Variants in CTDSP1 observed in about 807,000 individuals in gnomAD.
CTDSP1 encodes CTD small phosphatase 1.
CTDSP1 carries 15 observed loss-of-function variants against 32.5 expected under a neutral mutation model. The observed-to-expected ratio is 0.46, with a 90% CI of 0.31 to 0.71. The LOEUF is 0.71. Ranked by LOEUF, CTDSP1 falls within the 30% of genes least tolerant of loss-of-function variation. The pLI, the probability that CTDSP1 is intolerant of heterozygous loss-of-function variation, is 0.05. For missense variants in CTDSP1, 294 were observed against 351.1 expected (o/e 0.84, Z 1.30); for synonymous variants, 185 against 145.4 (o/e 1.27, Z -1.96).
chr2:218,400,546 A>ACCCCCACCCCCCC (rs1697071232), intron 1 of CTDSP1: 4 of 314,710 alleles, frequency 1.3e-5, no homozygotes, highest in African/African-American at 7.6e-5. Context: ...CCCACCCCCC[A>ACCCCCACCCCCCC]CCCCCACCCC....
chr2:218,404,227 T>C, intron 6 of CTDSP1, 70 bp from the exon 7 acceptor site: 1 of 1,574,400 alleles, frequency 6.4e-7, no homozygotes, highest in Non-Finnish European at 8.7e-7. Context: ...AGTGGCTACA[T>C]AGGGCTGGCC....
intron 6 of CTDSP1, among the ~76,000 whole-genome samples, chr2:218,403,986 G>C (rs547138535): frequency 6.6e-6 from 1 of 152,310 alleles, no homozygotes; most frequent in South Asian, 2.1e-4. Context: ...CTTGAGCCCT[G>C]GAGGCAGAGG....
Position 218,403,364 on chromosome 2 carries a change from G to T in CTDSP1, c.604G>T (p.Val202Leu), listed in dbSNP as rs754837135. 13 of 1,613,248 alleles carry T rather than the reference G, an allele frequency of 8.1e-6. No individual in the cohort carries two copies. Among genetic ancestry groups the T allele is most frequent in the East Asian group, 2.2e-5 (1 of 44,876 alleles). ...LSRLGRDLRR[V>L]LILDNSPASY... ...CCGGTTGGGTCGAGACCTGCGGCGG[G>T]TGCTCATCCTGGACAATTCACCTGC... is the stretch of plus-strand genomic sequence containing the variant. Residue 202 changes from valine (V) to leucine (L), a missense_variant, in exon 6 of 7, where the codon GTG becomes TTG. By Grantham distance (32) the Val-to-Leu change is conservative. This residue lies in a region of CTDSP1 where 146 missense variants were observed against 237.7 expected (regional missense o/e 0.61). Coordinates refer to ENST00000273062, the MANE Select transcript of CTDSP1 (RefSeq NM_021198.3).
Position 218,404,727 on chromosome 2 carries a change from G to A in CTDSP1, c.*302G>A, listed in dbSNP as rs1574802585. 1 of 315,914 alleles carries A rather than the reference G, an allele frequency of 3.2e-6. No individual in the cohort carries two copies. Among genetic ancestry groups the A allele is most frequent in the Non-Finnish European group, 5.9e-6 (1 of 170,110 alleles). The allele number at this position is 315,914 out of a possible 1,614,324, so 19.6% of individuals were successfully genotyped here. A position where few individuals can be genotyped will look rare whatever the true frequency, so the allele number is the denominator to read the frequency against. ...TCTGTCCATGCTGCCATGTTTCTCT[G>A]CTGCCAAATTGGGCCCCTTGGCCCC... On this transcript the variant is annotated 3_prime_UTR_variant, in exon 7 of 7. Coordinates refer to ENST00000273062, the MANE Select transcript of CTDSP1 (RefSeq NM_021198.3).
chr2:218,398,428 T>C, upstream of CTDSP1: 1 of 1,535,080 alleles, frequency 6.5e-7, no homozygotes, highest in Non-Finnish European at 8.7e-7. Context: ...GGCCGCCCCG[T>C]GGGCTACCCA....
At chr2:218,401,048 A>C in intron 1 of CTDSP1, 1 of 416,650 alleles carries the variant, frequency 2.4e-6, no homozygotes, top group Non-Finnish European at 4.9e-6. Context: ...GGGGCAGGGC[A>C]AACAGATGGC....
At chr2:218,402,681 G>A (rs759268777) in intron 4 of CTDSP1, 4 of 764,426 alleles carry the variant, frequency 5.2e-6, no homozygotes, top group East Asian at 2.5e-5. Flanking sequence ...GATAGGTTGT[G>A]TGCTGTCCAG....
chr2:218,399,453 G>C (rs768936540), upstream of CTDSP1: 1 of 152,258 alleles, frequency 6.6e-6, no homozygotes, highest in Non-Finnish European at 1.5e-5. Flanking sequence ...AGACAGGAGA[G>C]AAGACCCATT....
At chr2:218,400,288 C>A (rs1279618195) in intron 1 of CTDSP1, 131 bp downstream of exon 1, 4 of 823,224 alleles carry the variant, frequency 4.9e-6, no homozygotes, top group Non-Finnish European at 7.8e-6. Flanking sequence ...GCTCCCAGCC[C>A]GAGAGGGAGC....
upstream of CTDSP1, chr2:218,399,706 G>A (rs1238864092): frequency 1.0e-6 from 1 of 989,800 alleles, no homozygotes; most frequent in African/African-American, 1.7e-5. Flanking sequence ...GAAGGGAGGC[G>A]ACGCCCCCTG....
At position 218,399,980 on chromosome 2, in the gene CTDSP1, T is replaced by TTC; in HGVS notation, c.-111_-110insTC. 3 of 946,500 alleles carry TTC rather than the reference T, an allele frequency of 3.2e-6. No homozygotes were observed. The highest frequency in any genetic ancestry group is 5.0e-4 in the Middle Eastern group (1 of 2,002). The allele number at this position is 946,500 out of a possible 1,614,324, so 58.6% of individuals were successfully genotyped here. A position where few individuals can be genotyped will look rare whatever the true frequency, so the allele number is the denominator to read the frequency against. The stretch of plus-strand genomic sequence containing the variant: ...CCCTCCCCTCCGGAGCTCGCGGGGA[T>TTC]CCCTCCCTCCCACCCCTCCCCTCCC... On this transcript the variant is annotated 5_prime_UTR_variant, in exon 1 of 7. Transcript: ENST00000273062.
chr2:218,400,323 A>G, intron 1 of CTDSP1, 166 bp downstream of exon 1: 1 of 745,270 alleles, frequency 1.3e-6, no homozygotes. Flanking sequence ...AACTCAGAGG[A>G]GGCTCAGAGA....
upstream of CTDSP1, among the ~76,000 whole-genome samples, chr2:218,397,177 A>G (rs1309881928): frequency 6.6e-6 from 1 of 152,166 alleles, no homozygotes; most frequent in Non-Finnish European, 1.5e-5. Context: ...AGGTTGGTCA[A>G]GAAGACACGG....
chr2:218,400,505 G>A (rs1389411008), intron 1 of CTDSP1: 10 of 401,978 alleles, frequency 2.5e-5, no homozygotes, highest in African/African-American at 8.3e-5. Context: ...AGCTGAGGAG[G>A]GCGCCTATGG....
chr2:218,402,265 A>G (rs1008614748), intron 3 of CTDSP1, 50 bp downstream of exon 3: 1 of 1,605,828 alleles, frequency 6.2e-7, no homozygotes, highest in Non-Finnish European at 8.5e-7. Context: ...GGCATCCCCC[A>G]CCCTGGCCTG....
At chr2:218,400,693 C>T (rs1301351054) in intron 1 of CTDSP1, 5 of 454,846 alleles carry the variant, frequency 1.1e-5, no homozygotes, top group East Asian at 1.4e-4. Context: ...CGCCGACCCC[C>T]TCGGAGGCAC....
intron 1 of CTDSP1, chr2:218,400,605 G>C: frequency 2.6e-6 from 1 of 386,938 alleles, no homozygotes; most frequent in Non-Finnish European, 5.2e-6. Flanking sequence ...CGAGGTGACA[G>C]CAGGCTGGGG....
chr2:218,398,347 G>A (rs970166081), upstream of CTDSP1: 17 of 1,426,168 alleles, frequency 1.2e-5, no homozygotes, highest in African/African-American at 1.6e-4. Flanking sequence ...ATGAGATTAG[G>A]GGGCGCAGCC....
At position 218,403,348 on chromosome 2, in the gene CTDSP1, T is replaced by G. The variant is rs774559740; in HGVS notation, c.588T>G (p.Gly196=). Reference sequence around the variant, plus strand: ...ACGTGAAGGACCTGAGCCGGTTGGGTCGAGACCTGCGGCGGGTGCTCATCC... The same window carrying G: ...ACGTGAAGGACCTGAGCCGGTTGGGGCGAGACCTGCGGCGGGTGCTCATCC... ...GNYVKDLSRL[G]RDLRRVLILD... is the part of the protein sequence containing the mutation. The change falls in exon 6 of 7, where the codon GGT becomes GGG. Residue 196 remains glycine, a synonymous_variant. Coordinates refer to ENST00000273062, the MANE Select transcript of CTDSP1 (RefSeq NM_021198.3). 16 of 1,613,848 alleles carry G rather than the reference T, an allele frequency of 9.9e-6. No individual in the cohort carries two copies. The highest frequency in any genetic ancestry group is 1.3e-5 in the Non-Finnish European group (15 of 1,179,948).
Sources: gnomAD v4.1 joint callset for allele counts (sites outside exome capture counted in the v4.1 genomes callset) on GRCh38, gnomAD v4.1.1 for gene constraint, gnomAD v4.1.1 regional missense constraint, MANE v1.5 for transcripts, NCBI Gene and HGNC (gene_info 2026-07-23, HGNC 2026-07-21) for gene names.